COPG2: variants seen among roughly 807,000 people sequenced by gnomAD.
The protein encoded by COPG2 is coat protein complex I subunit gamma 2, also known as coatomer subunit gamma-2.
In COPG2, 37 loss-of-function variants were observed where a neutral mutation model predicts 46.3. The observed-to-expected ratio is 0.80, with a 90% CI of 0.61 to 1.05. The LOEUF is 1.05. Among genes scored for constraint, COPG2 ranks in the 50% least tolerant of loss-of-function variants. The pLI, the probability that COPG2 is intolerant of heterozygous loss-of-function variation, is 0.00. For missense variants in COPG2, 427 were observed against 387.8 expected (o/e 1.10, Z -0.85); for synonymous variants, 159 against 129.7 (o/e 1.23, Z -1.53).
Position 130,552,341 on chromosome 7 carries a change from A to G in COPG2, c.1544+14T>C. ...ATTCTTATTTTTTTTTAGAAAAGAC[A>G]TTATTTAACTTACCTCTGTAAGAGT... On this transcript the variant is annotated intron_variant, in intron 15 of 23. Coordinates refer to ENST00000425248, the MANE Select transcript of COPG2 (RefSeq NM_012133.6). 1 of 398,248 alleles carries G rather than the reference A, an allele frequency of 2.5e-6. No homozygotes were observed. Among genetic ancestry groups the G allele is most frequent in the Non-Finnish European group, 4.4e-6 (1 of 225,830 alleles). The allele number at this position is 398,248 out of a possible 1,614,324, so 24.7% of individuals were successfully genotyped here. A position where few individuals can be genotyped will look rare whatever the true frequency, so the allele number is the denominator to read the frequency against.
intron 18 of COPG2, among the ~76,000 whole-genome samples, 160 bp from the exon 19 acceptor site, chr7:130,548,702 A>G (rs1793484431): frequency 6.6e-6 from 1 of 152,116 alleles, no homozygotes; most frequent in African/African-American, 2.4e-5. Context: ...GGAGATCGAG[A>G]CCATCCTGGC....
intron 5 of COPG2, among the ~76,000 whole-genome samples, chr7:130,617,698 C>T (rs1794972483): frequency 6.6e-6 from 1 of 152,194 alleles, no homozygotes; most frequent in Non-Finnish European, 1.5e-5. Context: ...CTCTCCACTT[C>T]CTCAACTCCT....
At chr7:130,562,736 A>G (rs1454024652) in intron 11 of COPG2, among the ~76,000 whole-genome samples, 2 of 152,206 alleles carry the variant, frequency 1.3e-5, no homozygotes, top group Non-Finnish European at 2.9e-5. Flanking sequence ...TATATGTATT[A>G]TGATAAAATA....
chr7:130,624,949 G>A (rs982750534), intron 5 of COPG2, among the ~76,000 whole-genome samples: 1 of 152,116 alleles, frequency 6.6e-6, no homozygotes, highest in Non-Finnish European at 1.5e-5. Context: ...TTGCTGGGTC[G>A]AATGGCAGTT....
intron 9 of COPG2, among the ~76,000 whole-genome samples, chr7:130,565,937 G>A (rs1002819642): frequency 1.3e-5 from 2 of 152,100 alleles, no homozygotes; most frequent in Non-Finnish European, 2.9e-5. Context: ...GTGCTTTGGA[G>A]ACCTGTGTAA....
intron 20 of COPG2, among the ~76,000 whole-genome samples, chr7:130,530,826 T>TG (rs1443606247): frequency 1.3e-5 from 2 of 151,402 alleles, no homozygotes; most frequent in African/African-American, 4.9e-5. Flanking sequence ...GGAAGGGAGC[T>TG]GGGCAGGACA....
At chr7:130,652,026 C>T (rs994707847) in intron 5 of COPG2, among the ~76,000 whole-genome samples, 6 of 152,086 alleles carry the variant, frequency 3.9e-5, no homozygotes, top group Non-Finnish European at 7.4e-5. Flanking sequence ...TTTATGAAGA[C>T]TTATTTATAT....
intron 5 of COPG2, among the ~76,000 whole-genome samples, chr7:130,625,999 A>G: frequency 6.6e-6 from 1 of 152,216 alleles, no homozygotes; most frequent in East Asian, 1.9e-4. Context: ...TAATAATTGT[A>G]TATACTGATG....
chr7:130,562,722 ATAT>A (rs1793738325), intron 11 of COPG2, among the ~76,000 whole-genome samples: 1 of 152,242 alleles, frequency 6.6e-6, no homozygotes, highest in African/African-American at 2.4e-5. Context: ...TTGAGATGAC[ATAT>A]TATATGTATT....
In COPG2 at chr7:130,666,943, TA is replaced by T. The variant is rs1408140750; in HGVS notation, c.91-15del. 2.1e-6 allele frequency: 3 copies of T among 1,397,604 alleles called. No homozygotes were observed. Among genetic ancestry groups the T allele is most frequent in the South Asian group, 1.3e-5 (1 of 78,162 alleles). 86.6% of individuals were successfully genotyped at this position (1,397,604 alleles called of 1,614,324 possible). ...GAATATACGAGCCTATGAAAAAACA[TA>T]AAAAACATTGCTACTTTTCTACCTT... On this transcript the variant is annotated splice_polypyrimidine_tract_variant and intron_variant, in intron 2 of 23. Transcript: ENST00000425248.
At chr7:130,625,147 C>A (rs538438168) in intron 5 of COPG2, among the ~76,000 whole-genome samples, 83 of 152,212 alleles carry the variant, frequency 5.5e-4, no homozygotes, top group African/African-American at 1.9e-3. Context: ...TTTTAATTTG[C>A]TTTTCCTAGA....
intron 6 of COPG2, among the ~76,000 whole-genome samples, chr7:130,614,644 T>C (rs1794915288): frequency 1.3e-5 from 2 of 152,222 alleles, no homozygotes; most frequent in Admixed American, 6.5e-5. Context: ...TACTGGCCTA[T>C]TGCTGACTAA....
At chr7:130,604,035 A>T (rs781865124) in intron 9 of COPG2, among the ~76,000 whole-genome samples, 3 of 152,240 alleles carry the variant, frequency 2.0e-5, no homozygotes, top group Non-Finnish European at 4.4e-5. Flanking sequence ...ACTATTCATT[A>T]AGTGAAAGTG....
At chr7:130,547,932 A>G (rs1209248856) in intron 19 of COPG2, 87 bp from the exon 20 acceptor site, 3 of 397,978 alleles carry the variant, frequency 7.5e-6, no homozygotes, top group Non-Finnish European at 1.3e-5. Context: ...GGAACCCACT[A>G]TACCTTCTAT....
rs1295662737 is a variant in COPG2 at position 130,513,389 on chromosome 7, G to A, written c.2150-4730C>T. 2.2e-3 allele frequency among the ~76,000 whole-genome samples: 230 copies of A among 105,786 alleles called. 1 individual carries two copies. The highest frequency in any genetic ancestry group is 6.1e-3 in the Middle Eastern group (1 of 164). 69.4% of individuals were successfully genotyped at this position (105,786 alleles called of 152,430 possible). On this transcript the variant is annotated intron_variant, in intron 20 of 23. Transcript: ENST00000425248. ...TATATATATATATGTGTGTGTGTGT[G>A]TATATATATATATACACATATACAT...
intron 5 of COPG2, among the ~76,000 whole-genome samples, chr7:130,648,803 A>G (rs1483878579): frequency 6.6e-6 from 1 of 152,192 alleles, no homozygotes; most frequent in Non-Finnish European, 1.5e-5. Flanking sequence ...CTTTTTCATA[A>G]AGGGTAACCA....
intron 12 of COPG2, among the ~76,000 whole-genome samples, chr7:130,558,543 A>G (rs1459748467): frequency 6.6e-6 from 1 of 152,190 alleles, no homozygotes; most frequent in African/African-American, 2.4e-5. Context: ...ACATACTAAT[A>G]CAGAAGATCT....
At chr7:130,607,197 C>T (rs782177261) in intron 9 of COPG2, among the ~76,000 whole-genome samples, 3 of 151,698 alleles carry the variant, frequency 2.0e-5, no homozygotes, top group East Asian at 1.9e-4. Flanking sequence ...GCCAGGATCA[C>T]GCCACTGCAG....
chr7:130,643,806 A>AC (rs1306076788), intron 5 of COPG2, among the ~76,000 whole-genome samples: 3 of 152,238 alleles, frequency 2.0e-5, no homozygotes, highest in Admixed American at 6.5e-5. Flanking sequence ...ATTTAAAAAA[A>AC]ACACACACAC....
Sources: gnomAD v4.1 joint callset for allele counts (sites outside exome capture counted in the v4.1 genomes callset) on GRCh38, gnomAD v4.1.1 for gene constraint, MANE v1.5 for transcripts, NCBI Gene and HGNC (gene_info 2026-07-23, HGNC 2026-07-21) for gene names.